The following TGM6 variants were observed in gnomAD, a reference collection of about 807,000 sequenced individuals.
The protein encoded by TGM6 is protein-glutamine gamma-glutamyltransferase 6.
A neutral mutation model predicts 77.5 loss-of-function variants in TGM6; 74 were observed. The observed-to-expected ratio is 0.96, with a 90% CI of 0.79 to 1.16. The LOEUF is 1.16. TGM6 is among the 50% of genes most tolerant of loss of function. The pLI is 0.00. For synonymous variants in TGM6, 383 were observed against 378.9 expected (o/e 1.01, Z -0.12); for missense variants, 968 against 940.2 (o/e 1.03, Z -0.39).
chr20:2,428,684 CAT>C (rs1213911821), intron 10 of TGM6, among the ~76,000 whole-genome samples: 1 of 143,416 alleles, frequency 7.0e-6, no homozygotes, highest in Non-Finnish European at 1.5e-5. Context: ...TTATCAATAA[CAT>C]AATAAATCAA....
intron 7 of TGM6, among the ~76,000 whole-genome samples, chr20:2,402,266 A>T (rs966950406): frequency 8.6e-5 from 13 of 152,014 alleles, no homozygotes; most frequent in Admixed American, 2.0e-4. Context: ...AATAAAAATT[A>T]AAAAATAAAG....
intron 10 of TGM6, among the ~76,000 whole-genome samples, chr20:2,424,538 A>T (rs969773937): frequency 1.3e-5 from 2 of 152,224 alleles, no homozygotes; most frequent in African/African-American, 2.4e-5. Context: ...CTTTGGCTTA[A>T]TGGAATGTTA....
At position 2,403,829 on chromosome 20, in the gene TGM6, G is replaced by A. The variant is rs749855515; in HGVS notation, c.1336+6G>A. On this transcript the variant is annotated splice_donor_region_variant and intron_variant, in intron 9 of 12. Transcript: ENST00000202625. ...CCTCTACAAGTATCCGGAAGGTAAG[G>A]GCCACATGGCGGCCTTTATTACCTT... 21 of 1,613,910 alleles carry A rather than the reference G, an allele frequency of 1.3e-5. No individual in the cohort carries two copies. In the South Asian group the frequency reaches 2.0e-4, roughly 15 times the overall value.
In TGM6 at chr20:2,380,910, T is replaced by A; in HGVS notation, c.-59T>A. The A allele has an allele frequency of 1.3e-6, 2 of 1,594,094 alleles. No individual in the cohort carries two copies. The highest frequency in any genetic ancestry group is 1.7e-6 in the Non-Finnish European group (2 of 1,172,154). ...GGCTGGCTGCTGTGACGCGCCACAC[T>A]GTCCTGACGGTGCACACACTGCTGT... is the stretch of plus-strand genomic sequence containing the variant. On this transcript the variant is annotated 5_prime_UTR_variant, in exon 1 of 13. Transcript: ENST00000202625.
chr20:2,393,806 C>T (rs1190311067), intron 1 of TGM6, among the ~76,000 whole-genome samples: 1 of 152,102 alleles, frequency 6.6e-6, no homozygotes, highest in African/African-American at 2.4e-5. Flanking sequence ...GGATTCCAGG[C>T]GCGAGCCACC....
intron 9 of TGM6, among the ~76,000 whole-genome samples, chr20:2,405,510 G>A (rs2084744011): frequency 6.6e-6 from 1 of 152,228 alleles, no homozygotes; most frequent in East Asian, 1.9e-4. Flanking sequence ...AAAGAGGACA[G>A]AAGAGAGCAG....
At chr20:2,393,557 A>G (rs2084642264) in intron 1 of TGM6, among the ~76,000 whole-genome samples, 1 of 152,156 alleles carries the variant, frequency 6.6e-6, no homozygotes, top group Non-Finnish European at 1.5e-5. Context: ...TTTGAGAGGG[A>G]GAGTCTCGCT....
At chr20:2,426,070 T>C (rs917641660) in intron 10 of TGM6, among the ~76,000 whole-genome samples, 7 of 152,222 alleles carry the variant, frequency 4.6e-5, no homozygotes, top group East Asian at 1.9e-4. Context: ...TCAGATTGCA[T>C]TGAATCTATA....
chr20:2,395,725 T>A (rs1226095075), intron 3 of TGM6, among the ~76,000 whole-genome samples: 1 of 152,132 alleles, frequency 6.6e-6, no homozygotes, highest in Admixed American at 6.5e-5. Context: ...GCTGAGCTGC[T>A]CTCCTCTACC....
At chr20:2,420,085 A>C (rs1258578205) in intron 10 of TGM6, among the ~76,000 whole-genome samples, 2 of 152,156 alleles carry the variant, frequency 1.3e-5, no homozygotes, top group Non-Finnish European at 2.9e-5. Flanking sequence ...TCTACTAAAA[A>C]TACAAAAAAA....
Position 2,403,619 on chromosome 20 carries a change from C to A in TGM6, c.1132C>A (p.Arg378Ser), listed in dbSNP as rs200015721. 3 of 1,614,168 alleles carry A rather than the reference C, an allele frequency of 1.9e-6. No homozygotes were observed. Among genetic ancestry groups the A allele is most frequent in the East Asian group, 4.5e-5 (2 of 44,886 alleles). ...RCGPASVTAIREGDVHLAHDG... is the reference protein window; with the variant it reads ...RCGPASVTAISEGDVHLAHDG... ...CGGCCCAGCCTCAGTCACCGCCATC[C>A]GCGAGGGTGATGTGCACCTGGCTCA... Residue 378 changes from arginine (R) to serine (S), a missense_variant, in exon 9 of 13, where the codon CGC becomes AGC. Physicochemically the swap from Arg to Ser is moderately radical, Grantham distance 110. Transcript: ENST00000202625.
intron 9 of TGM6, among the ~76,000 whole-genome samples, chr20:2,412,435 G>A (rs926021462): frequency 2.0e-5 from 3 of 152,042 alleles, no homozygotes; most frequent in African/African-American, 7.2e-5. Context: ...CAATATGAAT[G>A]TACTTAATGA....
chr20:2,396,569 T>C lies in TGM6; in HGVS notation c.488T>C (p.Ile163Thr), dbSNP rs755683440. The C allele has an allele frequency of 1.2e-6, 2 of 1,614,174 alleles. No homozygotes were observed. Among genetic ancestry groups the C allele is most frequent in the Admixed American group, 3.3e-5 (2 of 60,016 alleles). Reference sequence around the variant, plus strand: ...GAGTACGTGCTCAGCGACAGCGGCATCATCTTCCGAGGCGTGGAGAAGCAC... The same window carrying C: ...GAGTACGTGCTCAGCGACAGCGGCACCATCTTCCGAGGCGTGGAGAAGCAC... The part of the protein sequence containing the change: ...RQEYVLSDSG[I>T]IFRGVEKHIR... Residue 163 changes from isoleucine to threonine, a missense_variant, in exon 4 of 13, where the codon ATC becomes ACC. Ile to Thr is a moderately conservative substitution (Grantham distance 89). Transcript: ENST00000202625.
chr20:2,407,132 G>T (rs1031366201), intron 9 of TGM6, among the ~76,000 whole-genome samples: 2 of 152,286 alleles, frequency 1.3e-5, no homozygotes, highest in South Asian at 2.1e-4. Flanking sequence ...GCAGAACCCA[G>T]AGCCCATGCT....
At chr20:2,389,872 C>T (rs981203484) in intron 1 of TGM6, among the ~76,000 whole-genome samples, 2 of 152,164 alleles carry the variant, frequency 1.3e-5, no homozygotes, top group Non-Finnish European at 2.9e-5. Flanking sequence ...TCTCGATCTA[C>T]TGACATATTA....
rs527355469 is a variant in TGM6, at chr20:2,414,408, A to G, written c.1337-2824A>G. 3.3e-5 allele frequency among the ~76,000 whole-genome samples: 5 copies of G among 152,328 alleles called. No homozygotes were observed. In the East Asian group the frequency reaches 9.6e-4, roughly 29 times the overall value. The stretch of plus-strand genomic sequence containing the variant: ...AGAACTACCGTCATCAAAAAGATAG[A>G]CAATTAGTGTTGGTGAAGATGTGGA... On this transcript the variant is annotated intron_variant, in intron 9 of 12. Transcript: ENST00000202625.
chr20:2,419,570 C>T (rs1277494225), intron 10 of TGM6, among the ~76,000 whole-genome samples: 1 of 152,070 alleles, frequency 6.6e-6, no homozygotes, highest in Non-Finnish European at 1.5e-5. Flanking sequence ...ATTCTACCAC[C>T]CACCTACAAA....
chr20:2,431,754 T>C (rs2084925344), intron 12 of TGM6, among the ~76,000 whole-genome samples: 1 of 152,210 alleles, frequency 6.6e-6, no homozygotes, highest in East Asian at 1.9e-4. Context: ...AGCTGAGCCT[T>C]AAATGATGAA....
intron 1 of TGM6, among the ~76,000 whole-genome samples, chr20:2,390,185 T>A (rs1234507784): frequency 6.6e-6 from 1 of 152,188 alleles, no homozygotes; most frequent in Non-Finnish European, 1.5e-5. Flanking sequence ...TCCTGTTCAT[T>A]GTACTGATGT....
Sources: allele counts gnomAD v4.1 joint callset (sites outside exome capture counted in the v4.1 genomes callset), GRCh38; gene constraint gnomAD v4.1.1; transcripts MANE v1.5; gene names NCBI Gene and HGNC (gene_info 2026-07-23, HGNC 2026-07-21).